The following KCNN2 variants were observed in gnomAD, a reference collection of about 807,000 sequenced individuals.
The protein encoded by KCNN2 is small conductance calcium-activated potassium channel protein 2.
In KCNN2, 24 loss-of-function variants were observed where a neutral mutation model predicts 55.5. The observed-to-expected ratio is 0.43, with a 90% CI of 0.31 to 0.61. The LOEUF is 0.61. Ranked by LOEUF, KCNN2 falls within the 20% of genes least tolerant of loss-of-function variation. The pLI, the probability that KCNN2 is intolerant of heterozygous loss-of-function variation, is 0.08. For missense variants in KCNN2, 754 were observed against 853.6 expected, an observed-to-expected ratio of 0.88 and a Z score of 1.45; for synonymous variants, 431 against 336.1, an observed-to-expected ratio of 1.28 and a Z score of -3.09.
chr5:114,140,420 A>T (rs1377788692), intron 1 of KCNN2, among the ~76,000 whole-genome samples: 1 of 152,184 alleles, frequency 6.6e-6, no homozygotes, highest in Non-Finnish European at 1.5e-5. Context: ...TTAGAAGGAT[A>T]CTTTGACATA....
intron 2 of KCNN2, among the ~76,000 whole-genome samples, chr5:114,310,790 G>A (rs1756378183): frequency 6.6e-6 from 1 of 152,038 alleles, no homozygotes; most frequent in Non-Finnish European, 1.5e-5. Context: ...GGGCAAAGTG[G>A]GCCATATGAA....
At chr5:114,449,920 G>A (rs538638393) in intron 3 of KCNN2, among the ~76,000 whole-genome samples, 4,338 of 142,882 alleles carry the variant, frequency 0.03, 95 homozygotes, top group South Asian at 0.082. Context: ...GCGCGCGCTC[G>A]CGTGCGCGCA....
intron 2 of KCNN2, among the ~76,000 whole-genome samples, chr5:114,328,814 C>A (rs1403823849): frequency 6.6e-6 from 1 of 152,206 alleles, no homozygotes; most frequent in Non-Finnish European, 1.5e-5. Flanking sequence ...CCAGGGGTCA[C>A]TTTCAGATCC....
chr5:114,321,243 T>C (rs912308196), intron 2 of KCNN2, among the ~76,000 whole-genome samples: 1 of 152,122 alleles, frequency 6.6e-6, no homozygotes, highest in Non-Finnish European at 1.5e-5. Context: ...ATATTGAGGG[T>C]TTGTTCTACT....
At chr5:114,419,361 A>G (rs1759404535) in intron 3 of KCNN2, among the ~76,000 whole-genome samples, 1 of 152,262 alleles carries the variant, frequency 6.6e-6, no homozygotes, top group Admixed American at 6.5e-5. Context: ...TATGCTGAAC[A>G]AGTTTGCCAA....
intron 1 of KCNN2, among the ~76,000 whole-genome samples, chr5:114,097,941 C>G (rs771023676): frequency 6.6e-6 from 1 of 152,144 alleles, no homozygotes; most frequent in Non-Finnish European, 1.5e-5. Flanking sequence ...TTTAAAACAA[C>G]ATGTTTATTT....
At chr5:114,191,765 C>T (rs567022785) in intron 1 of KCNN2, among the ~76,000 whole-genome samples, 128 of 152,186 alleles carry the variant, frequency 8.4e-4, no homozygotes, top group African/African-American at 3.0e-3. Context: ...TAATTTTGGC[C>T]TTGGAACCCT....
At chr5:114,155,582 G>C (rs943118817) in intron 1 of KCNN2, among the ~76,000 whole-genome samples, 1 of 152,046 alleles carries the variant, frequency 6.6e-6, no homozygotes, top group Non-Finnish European at 1.5e-5. Context: ...TAGTCATTCT[G>C]ACTGGTGTGA....
chr5:114,373,001 A>G (rs1293483047), intron 2 of KCNN2, among the ~76,000 whole-genome samples: 2 of 152,194 alleles, frequency 1.3e-5, no homozygotes, highest in East Asian at 1.9e-4. Flanking sequence ...TAAACTGCCA[A>G]GAGAGAAATT....
chr5:114,365,016 T>C (rs1025828616), intron 2 of KCNN2, among the ~76,000 whole-genome samples: 1 of 152,072 alleles, frequency 6.6e-6, no homozygotes, highest in Non-Finnish European at 1.5e-5. Flanking sequence ...TAAAATCTTA[T>C]ATAGGATTTG....
chr5:114,356,678 A>G (rs1757299017), intron 2 of KCNN2, among the ~76,000 whole-genome samples: 1 of 152,152 alleles, frequency 6.6e-6, no homozygotes, highest in Admixed American at 6.5e-5. Flanking sequence ...AGGTATTGCT[A>G]AAAATTTATA....
chr5:114,151,793 A>T (rs1752530601), intron 1 of KCNN2, among the ~76,000 whole-genome samples: 1 of 152,164 alleles, frequency 6.6e-6, no homozygotes, highest in South Asian at 2.1e-4. Flanking sequence ...AGTTGGTGGA[A>T]CTGTCTAGAA....
chr5:114,130,379 A>G (rs1231364552), intron 1 of KCNN2, among the ~76,000 whole-genome samples: 1 of 152,194 alleles, frequency 6.6e-6, no homozygotes, highest in East Asian at 1.9e-4. Context: ...GGCTCATGCC[A>G]TCATTTTATT....
chr5:114,418,749 G>C (rs190443311), intron 3 of KCNN2, among the ~76,000 whole-genome samples: 46 of 152,260 alleles, frequency 3.0e-4, no homozygotes, highest in African/African-American at 9.6e-4. Context: ...CTTAGGTCCT[G>C]CTGTGCATTT....
chr5:114,359,813 G>A (rs1757369626), upstream of KCNN2, among the ~76,000 whole-genome samples: 2 of 152,296 alleles, frequency 1.3e-5, no homozygotes, highest in South Asian at 4.1e-4. Context: ...CCTAATACAT[G>A]TTTGATGGAT....
At chr5:114,486,449 G>A (rs969409444) in intron 5 of KCNN2, among the ~76,000 whole-genome samples, 2 of 152,170 alleles carry the variant, frequency 1.3e-5, no homozygotes, top group Middle Eastern at 3.2e-3. Flanking sequence ...CTTCTCATTT[G>A]TCCCATCCAT....
intron 2 of KCNN2, among the ~76,000 whole-genome samples, chr5:114,273,901 T>A (rs1168500332): frequency 6.6e-6 from 1 of 152,204 alleles, no homozygotes; most frequent in Non-Finnish European, 1.5e-5. Context: ...GCTTTTGGTG[T>A]TTTAGACATG....
chr5:114,482,074 T>C (rs1762253372), intron 5 of KCNN2, among the ~76,000 whole-genome samples: 1 of 152,122 alleles, frequency 6.6e-6, no homozygotes, highest in Non-Finnish European at 1.5e-5. Context: ...CAAAAGAAAC[T>C]ATTGACAAAG....
chr5:114,117,953 GC>G (rs2112592248), intron 1 of KCNN2, among the ~76,000 whole-genome samples: 1 of 152,246 alleles, frequency 6.6e-6, no homozygotes, highest in South Asian at 2.1e-4. Context: ...GAACTGGTTT[GC>G]CACATATCAC....
Sources: gnomAD v4.1 joint callset for allele counts (sites outside exome capture counted in the v4.1 genomes callset) on GRCh38, gnomAD v4.1.1 for gene constraint, MANE v1.5 for transcripts, NCBI Gene and HGNC (gene_info 2026-07-23, HGNC 2026-07-21) for gene names.